CNOT8: variants seen among roughly 807,000 people sequenced by gnomAD.
CNOT8 encodes CAF1-like protein.
In CNOT8, 18 loss-of-function variants were observed where a neutral mutation model predicts 34.6. That is an observed-to-expected ratio of 0.52 (90% CI 0.36 to 0.77). CNOT8 has a LOEUF of 0.77. CNOT8 is among the 30% of genes least tolerant of loss of function. The probability of loss-of-function intolerance (pLI) is 0.00; values close to 1 mark genes in which losing one functional copy is unlikely to be tolerated. For missense variants in CNOT8, 189 were observed against 347.9 expected (o/e 0.54, Z 3.63); for synonymous variants, 101 against 118.8 (o/e 0.85, Z 0.98).
intron 3 of CNOT8, chr5:154,867,783 G>A (rs1353726855): frequency 5.3e-6 from 1 of 187,864 alleles, no homozygotes; most frequent in Non-Finnish European, 1.2e-5. Flanking sequence ...ACATTTCTAG[G>A]AAATACGAGG....
chr5:154,872,533 A>T lies in CNOT8; in HGVS notation c.619-8A>T. 1 of 1,590,080 alleles carries T rather than the reference A, an allele frequency of 6.3e-7. No homozygotes were observed. Among genetic ancestry groups the T allele is most frequent in the Non-Finnish European group, 8.6e-7 (1 of 1,161,254 alleles). ...GTAATATTATCTTTGTTCTCCATAC[A>T]TCTCCAGGGAGGTCTTCAGGAAGTT... On this transcript the variant is annotated splice_polypyrimidine_tract_variant and splice_region_variant and intron_variant, in intron 5 of 6. Coordinates refer to ENST00000285896, the MANE Select transcript of CNOT8 (RefSeq NM_001301073.2).
chr5:154,868,263 CTTTTCTTTT>C lies in CNOT8; in HGVS notation c.312-2393_312-2385del, dbSNP rs1384066836. ...ATTTACTGCCTTTTCTTTTTCTTTT[CTTTTCTTTT>C]TTTTTTTTTTTTTTGAGGTAATGTC... is the stretch of plus-strand genomic sequence containing the variant. On this transcript the variant is annotated intron_variant, in intron 3 of 6. Transcript: ENST00000285896. 7.9e-4 allele frequency among the ~76,000 whole-genome samples: 101 copies of C among 127,290 alleles called. 3 individuals are homozygous for C. The highest frequency in any genetic ancestry group is 3.0e-3 in the African/African-American group (95 of 31,918). 83.5% of individuals were successfully genotyped at this position (127,290 alleles called of 152,430 possible).
intron 3 of CNOT8, chr5:154,870,404 TTA>T: frequency 4.0e-6 from 1 of 251,660 alleles, no homozygotes; most frequent in Non-Finnish European, 7.6e-6. Context: ...TTTTTTTTTT[TTA>T]AATAATGAGC....
chr5:154,867,930 A>C (rs1762055740), intron 3 of CNOT8: 1 of 151,458 alleles, frequency 6.6e-6, no homozygotes. Flanking sequence ...GAAATCATTT[A>C]CTTCCTTTCC....
At chr5:154,870,472 T>C (rs1762387868) in intron 3 of CNOT8, 189 bp from the exon 4 acceptor site, 1 of 455,458 alleles carries the variant, frequency 2.2e-6, no homozygotes, top group Non-Finnish European at 3.9e-6. Flanking sequence ...ATCTCATTTT[T>C]CTATCTGTCA....
intron 3 of CNOT8, among the ~76,000 whole-genome samples, chr5:154,868,695 A>G (rs959394839): frequency 4.6e-5 from 7 of 152,172 alleles, no homozygotes; most frequent in African/African-American, 1.4e-4. Context: ...TGTAGTTTTC[A>G]TGGATTTCTG....
chr5:154,874,531 T>G (rs1206880155), intron 6 of CNOT8, among the ~76,000 whole-genome samples: 1 of 152,008 alleles, frequency 6.6e-6, no homozygotes, highest in African/African-American at 2.4e-5. Context: ...AGTGAAACCC[T>G]GTCTCTTTTT....
At chr5:154,866,025 G>A (rs1247567955) in intron 3 of CNOT8, among the ~76,000 whole-genome samples, 1 of 152,172 alleles carries the variant, frequency 6.6e-6, no homozygotes, top group Non-Finnish European at 1.5e-5. Context: ...AGTTCTTTTG[G>A]ATGTATGCCC....
intron 3 of CNOT8, among the ~76,000 whole-genome samples, chr5:154,868,248 T>G (rs112413856): frequency 0.023 from 3,363 of 148,228 alleles, 125 homozygotes; most frequent in African/African-American, 0.081. Context: ...ATTTACTGCC[T>G]TTTCTTTTTC....
intron 1 of CNOT8, 39 bp from the exon 2 acceptor site, chr5:154,863,168 G>A (rs1024735133): frequency 8.1e-5 from 60 of 738,302 alleles, no homozygotes; most frequent in Admixed American, 5.8e-4. Flanking sequence ...TCTTATGTGT[G>A]TGTAAACTTA....
intron 6 of CNOT8, among the ~76,000 whole-genome samples, chr5:154,874,084 A>T (rs568481407): frequency 1.3e-5 from 2 of 152,136 alleles, no homozygotes; most frequent in Non-Finnish European, 2.9e-5. Context: ...AGTTTAAATG[A>T]CTTTGCCAAG....
intron 1 of CNOT8, chr5:154,859,464 A>G (rs1485453643): frequency 6.6e-6 from 1 of 152,242 alleles, no homozygotes; most frequent in Non-Finnish European, 1.5e-5. Context: ...CTGCGGTTCA[A>G]TCCAGGGCAG....
chr5:154,874,133 C>T (rs757494952), intron 6 of CNOT8, among the ~76,000 whole-genome samples: 5 of 152,136 alleles, frequency 3.3e-5, no homozygotes, highest in African/African-American at 9.7e-5. Flanking sequence ...CCAAGCCCAG[C>T]CCATTGCTCT....
Position 154,875,352 on chromosome 5 carries a change from A to G in CNOT8, c.792A>G (p.Thr264=), listed in dbSNP as rs1486502995. The stretch of plus-strand genomic sequence containing the variant: ...GTGGGCGGCTCTATGGCTTAGGCAC[A>G]GGAGTGGCCCAGAAGCAGAATGAGG... ...KYCGRLYGLG[T]GVAQKQNEDV... Residue 264 remains threonine (T), a synonymous_variant, in exon 7 of 7, where the codon ACA becomes ACG. Coordinates refer to ENST00000285896, the MANE Select transcript of CNOT8 (RefSeq NM_001301073.2). The G allele has an allele frequency of 1.2e-6, 2 of 1,614,064 alleles. No homozygotes were observed. The highest frequency in any genetic ancestry group is 2.7e-5 in the African/African-American group (2 of 74,936).
Position 154,871,823 on chromosome 5 carries a change from CCCAT to C in CNOT8, c.572_575del (p.Ser191PhefsTer4). The C allele has an allele frequency of 6.2e-7, 1 of 1,613,824 alleles. No individual in the cohort carries two copies. Among genetic ancestry groups the C allele is most frequent in the Non-Finnish European group, 8.5e-7 (1 of 1,179,870 alleles). ...TCTTTCATATTCTGAACCTTTTCTT[CCCAT>C]CCATTTATGATGTGAAATACCTGAT... is the stretch of plus-strand genomic sequence containing the variant. On this transcript the variant is annotated frameshift_variant, in exon 5 of 7. Transcript: ENST00000285896. LOFTEE classifies it high-confidence loss of function.
intron 4 of CNOT8, 61 bp downstream of exon 4, chr5:154,870,883 A>C: frequency 6.9e-7 from 1 of 1,452,502 alleles, no homozygotes; most frequent in East Asian, 2.4e-5. Flanking sequence ...CAGGGAATTG[A>C]ATTCTTAGTC....
chr5:154,871,920 A>T, intron 5 of CNOT8, 46 bp downstream of exon 5: 2 of 1,555,578 alleles, frequency 1.3e-6, no homozygotes, highest in Non-Finnish European at 1.8e-6. Flanking sequence ...GAAGGACAGA[A>T]AAAAAGCTGA....
chr5:154,860,200 G>T (rs1761192029), intron 1 of CNOT8, among the ~76,000 whole-genome samples: 1 of 152,128 alleles, frequency 6.6e-6, no homozygotes, highest in African/African-American at 2.4e-5. Flanking sequence ...CTTGCCCTGA[G>T]GAGGCTTAAA....
Position 154,865,367 on chromosome 5 carries a change from A to C in CNOT8, c.293A>C (p.Asn98Thr), listed in dbSNP as rs775140622. 3 of 1,579,790 alleles carry C rather than the reference A, an allele frequency of 1.9e-6. No homozygotes were observed. The highest frequency in any genetic ancestry group is 2.6e-6 in the Non-Finnish European group (3 of 1,170,598). The change falls in exon 3 of 7, where the codon AAT becomes ACT. Residue 98 changes from asparagine to threonine, a missense_variant. This residue lies in a region of CNOT8 where 160 missense variants were observed against 321.9 expected (regional missense o/e 0.50). Coordinates refer to ENST00000285896, the MANE Select transcript of CNOT8 (RefSeq NM_001301073.2). The part of the protein sequence containing the change: ...YPSGINTWQF[N>T]FKFNLTEDMY... The stretch of plus-strand genomic sequence containing the variant: ...TCTGGAATCAATACTTGGCAGTTCA[A>C]TTTCAAATTTAACCTTACGTAAGTG...
Sources: allele counts gnomAD v4.1 joint callset (sites outside exome capture counted in the v4.1 genomes callset), GRCh38; gene constraint gnomAD v4.1.1; regional missense constraint gnomAD v4.1.1; transcripts MANE v1.5; gene names NCBI Gene and HGNC (gene_info 2026-07-23, HGNC 2026-07-21).